Variants in RBFOX1 observed in about 807,000 individuals in gnomAD.
RBFOX1 encodes RNA binding fox-1 homolog 1, also known as RNA binding protein fox-1 homolog 1.
Under a neutral mutation model 57.7 loss-of-function variants are expected in RBFOX1, and 8 were observed. The observed-to-expected ratio is 0.14, with a 90% CI of 0.08 to 0.25. RBFOX1 has a LOEUF of 0.25. RBFOX1 is among the 10% of genes least tolerant of loss of function. The pLI is 1.00. For missense variants in RBFOX1, 611 were observed against 548.5 expected (o/e 1.11, Z -1.14); for synonymous variants, 326 against 222.4 (o/e 1.47, Z -4.15).
At chr16:7,688,260 T>TGTGAGAGAGA (rs1319185243) in intron 14 of RBFOX1, among the ~76,000 whole-genome samples, 2 of 125,294 alleles carry the variant, frequency 1.6e-5, no homozygotes, top group African/African-American at 5.9e-5. Flanking sequence ...TGTGTGTGTG[T>TGTGAGAGAGA]GAGAGAGAGA....
At chr16:7,298,892 G>C (rs1235391149) in intron 4 of RBFOX1, among the ~76,000 whole-genome samples, 1 of 152,152 alleles carries the variant, frequency 6.6e-6, no homozygotes, top group Non-Finnish European at 1.5e-5. Context: ...CTATCTCTGG[G>C]TCTCTCAGGT....
chr16:7,542,801 G>C (rs2083309900), intron 5 of RBFOX1, among the ~76,000 whole-genome samples: 1 of 99,522 alleles, frequency 1.0e-5, no homozygotes, highest in South Asian at 4.2e-4. Context: ...TGGGAGGCAA[G>C]ACTGTCTGAG....
At position 6,929,478 on chromosome 16, in the gene RBFOX1, G is replaced by A. The variant is rs147241295; in HGVS notation, c.-15-122579G>A. 1.3e-3 allele frequency among the ~76,000 whole-genome samples: 197 copies of A among 152,222 alleles called. 3 individuals are homozygous for A. Among genetic ancestry groups the A allele is most frequent in the Non-Finnish European group, 5.1e-4 (35 of 68,022 alleles). On this transcript the variant is annotated intron_variant, in intron 3 of 15. Coordinates refer to ENST00000550418, the MANE Select transcript of RBFOX1 (RefSeq NM_018723.4). ...AGCGTGCTTTTCTGTATTCTAAGCA[G>A]TTTTTGACACAGTGCTTTGCTTTAT...
intron 3 of RBFOX1, among the ~76,000 whole-genome samples, chr16:6,806,837 T>TATATATTTATATATATATATA (rs1491107829): frequency 1.7e-4 from 12 of 68,838 alleles, no homozygotes; most frequent in Admixed American, 4.0e-4. Flanking sequence ...TATATATATA[T>TATATATTTATATATATATATA]TTTTTTTTTT....
chr16:7,513,370 C>T (rs1437834131), intron 4 of RBFOX1, among the ~76,000 whole-genome samples: 1 of 152,204 alleles, frequency 6.6e-6, no homozygotes. Flanking sequence ...TAACTCTTGG[C>T]TTCCCTAACA....
At chr16:6,702,077 T>G (rs2061939778) in intron 3 of RBFOX1, among the ~76,000 whole-genome samples, 1 of 152,142 alleles carries the variant, frequency 6.6e-6, no homozygotes, top group Admixed American at 6.5e-5. Flanking sequence ...AACCTGCACA[T>G]GTACCCCTGA....
At chr16:5,312,615 A>G (rs1195860786) in intron 1 of RBFOX1, among the ~76,000 whole-genome samples, 2 of 152,184 alleles carry the variant, frequency 1.3e-5, no homozygotes, top group East Asian at 3.9e-4. Context: ...ATGCTTGGTG[A>G]CATGTCTTAA....
chr16:7,510,217 C>T (rs997211577), intron 4 of RBFOX1: 45 of 985,722 alleles, frequency 4.6e-5, no homozygotes, highest in African/African-American at 1.7e-4. Context: ...CACCCTCGCT[C>T]GTAATTGAGG....
At chr16:7,708,176 C>A (rs1266056282) in intron 14 of RBFOX1, among the ~76,000 whole-genome samples, 3 of 152,044 alleles carry the variant, frequency 2.0e-5, no homozygotes, top group Non-Finnish European at 4.4e-5. Flanking sequence ...TTGTCTCCCC[C>A]CTCATAAAAA....
intron 3 of RBFOX1, among the ~76,000 whole-genome samples, chr16:6,689,101 T>A (rs1184350568): frequency 1.3e-5 from 2 of 152,194 alleles, no homozygotes; most frequent in East Asian, 1.9e-4. Context: ...TAAACATACA[T>A]GTGCATATGT....
intron 4 of RBFOX1, among the ~76,000 whole-genome samples, chr16:7,303,671 C>G (rs1568115242): frequency 2.6e-5 from 4 of 152,128 alleles, no homozygotes; most frequent in South Asian, 4.1e-4. Context: ...AGGAGACAGA[C>G]AGCATCAGAA....
chr16:7,675,914 T>G (rs1017089483), intron 13 of RBFOX1, among the ~76,000 whole-genome samples: 1 of 152,230 alleles, frequency 6.6e-6, no homozygotes, highest in Admixed American at 6.5e-5. Context: ...TGTGGTCCAC[T>G]GAGCAAGAAG....
At chr16:6,852,428 C>G (rs1423691646) in intron 3 of RBFOX1, among the ~76,000 whole-genome samples, 1 of 152,190 alleles carries the variant, frequency 6.6e-6, no homozygotes, top group African/African-American at 2.4e-5. Flanking sequence ...TTATAAGTTT[C>G]AGGGATTTTT....
chr16:7,421,146 T>C (rs1400034238), intron 4 of RBFOX1, among the ~76,000 whole-genome samples: 2 of 152,154 alleles, frequency 1.3e-5, no homozygotes, highest in East Asian at 1.9e-4. Context: ...GGCACTGGTA[T>C]TGACCAGGAA....
chr16:6,551,346 C>A (rs1012243204), intron 2 of RBFOX1, among the ~76,000 whole-genome samples: 11 of 152,194 alleles, frequency 7.2e-5, no homozygotes, highest in Admixed American at 2.0e-4. Flanking sequence ...CCAGCGGCAT[C>A]TCAGACTAGT....
At chr16:6,718,642 T>A (rs1444626380) in intron 3 of RBFOX1, among the ~76,000 whole-genome samples, 1 of 152,136 alleles carries the variant, frequency 6.6e-6, no homozygotes, top group African/African-American at 2.4e-5. Context: ...GGCAATTCGA[T>A]CATGGGAACG....
chr16:7,041,037 C>G (rs560950436), intron 3 of RBFOX1, among the ~76,000 whole-genome samples: 5 of 151,626 alleles, frequency 3.3e-5, no homozygotes, highest in African/African-American at 1.2e-4. Flanking sequence ...TGCCTCAGCC[C>G]CCTGAGTAGC....
At chr16:7,221,076 G>A (rs998428415) in intron 4 of RBFOX1, among the ~76,000 whole-genome samples, 6 of 152,254 alleles carry the variant, frequency 3.9e-5, no homozygotes, top group African/African-American at 1.2e-4. Context: ...TCATTAAAAT[G>A]AAGCCAGGTT....
At chr16:5,730,980 A>C (rs1484658818) in intron 3 of RBFOX1, among the ~76,000 whole-genome samples, 1 of 148,618 alleles carries the variant, frequency 6.7e-6, no homozygotes, top group Non-Finnish European at 1.5e-5. Flanking sequence ...CGTTACCGTC[A>C]CTACCATCAT....
Sources: allele counts gnomAD v4.1 joint callset (sites outside exome capture counted in the v4.1 genomes callset), GRCh38; gene constraint gnomAD v4.1.1; transcripts MANE v1.5; gene names NCBI Gene and HGNC (gene_info 2026-07-23, HGNC 2026-07-21).